KAZN: variants seen among roughly 807,000 people sequenced by gnomAD.
KAZN encodes kazrin, periplakin interacting protein.
KAZN carries 40 observed loss-of-function variants against 87.4 expected under a neutral mutation model. That is an observed-to-expected ratio of 0.46 (90% CI 0.36 to 0.60). The LOEUF (loss-of-function observed/expected upper bound fraction) is 0.60. KAZN is among the 20% of genes least tolerant of loss of function. KAZN has a pLI of 0.00. For missense variants in KAZN, 898 were observed against 1,073.9 expected (o/e 0.84, Z 2.29); for synonymous variants, 466 against 458.3 (o/e 1.02, Z -0.22).
chr1:14,879,633 T>C (rs1283224944), intron 1 of KAZN, among the ~76,000 whole-genome samples: 1 of 151,666 alleles, frequency 6.6e-6, no homozygotes, highest in Non-Finnish European at 1.5e-5. Context: ...GACTTAAAGC[T>C]TCATTCTGAA....
chr1:14,907,507 T>C (rs1003857009), intron 1 of KAZN, among the ~76,000 whole-genome samples: 1 of 151,790 alleles, frequency 6.6e-6, no homozygotes, highest in African/African-American at 2.4e-5. Flanking sequence ...TTGTGTTCAG[T>C]AGAGCTTGAG....
intron 8 of KAZN, among the ~76,000 whole-genome samples, chr1:15,082,356 C>T (rs1640043107): frequency 6.6e-6 from 1 of 152,190 alleles, no homozygotes; most frequent in African/African-American, 2.4e-5. Flanking sequence ...TCCAGGCACA[C>T]ATTTGACCCC....
At chr1:14,972,345 T>C (rs1309075957) in intron 2 of KAZN, among the ~76,000 whole-genome samples, 1 of 152,126 alleles carries the variant, frequency 6.6e-6, no homozygotes, top group African/African-American at 2.4e-5. Flanking sequence ...AGAGTTGGCC[T>C]CAGAGGCAGT....
chr1:14,259,821 T>C (rs1333125022), intron 2 of KAZN, among the ~76,000 whole-genome samples: 1 of 152,206 alleles, frequency 6.6e-6, no homozygotes, highest in Non-Finnish European at 1.5e-5. Context: ...CACTTTACTT[T>C]GTGACAGTGA....
rs963063329 is a variant in KAZN, at chr1:14,996,827, T to TGGGCTCCA, written c.418+35955_418+35956insCTCCAGGG. Among the ~76,000 whole-genome samples, 4 of 152,172 alleles carry TGGGCTCCA rather than the reference T, an allele frequency of 2.6e-5. No individual in the cohort carries two copies. Among genetic ancestry groups the TGGGCTCCA allele is most frequent in the African/African-American group, 9.7e-5 (4 of 41,446 alleles). ...CTCCTGGTGCTCCAGGGCCTGCATG[T>TGGGCTCCA]GGGGCACTGGGAGGGAGGGCCGTTT... On this transcript the variant is annotated intron_variant, in intron 2 of 14. Coordinates refer to ENST00000376030, the MANE Select transcript of KAZN (RefSeq NM_201628.3). This position sits in a 1 kb window ranked among gnomAD's most constrained non-coding sequence, Gnocchi z 5.9.
chr1:14,964,461 T>C (rs1664226658), intron 2 of KAZN, among the ~76,000 whole-genome samples: 1 of 152,158 alleles, frequency 6.6e-6, no homozygotes, highest in Admixed American at 6.6e-5. Flanking sequence ...GGTAGCGGCA[T>C]TCCTGAAAGG....
chr1:14,846,489 G>C (rs562233024), intron 1 of KAZN, among the ~76,000 whole-genome samples: 2 of 152,200 alleles, frequency 1.3e-5, no homozygotes, highest in African/African-American at 4.8e-5. Context: ...TCAACAGACC[G>C]TGAGATATTA....
At chr1:14,636,447 C>T (rs913231889) in intron 1 of KAZN, among the ~76,000 whole-genome samples, 11 of 152,174 alleles carry the variant, frequency 7.2e-5, no homozygotes, top group Admixed American at 6.5e-4. Context: ...ATAGAGGGCT[C>T]TTTGTGTTCA....
At chr1:14,155,824 AT>A (rs2101812026) in intron 1 of KAZN, among the ~76,000 whole-genome samples, 1 of 152,082 alleles carries the variant, frequency 6.6e-6, no homozygotes, top group East Asian at 1.9e-4. Flanking sequence ...TAATTTTTGT[AT>A]TTTTAGTAGA....
At chr1:14,799,066 C>T (rs1437785346) in intron 1 of KAZN, among the ~76,000 whole-genome samples, 1 of 152,220 alleles carries the variant, frequency 6.6e-6, no homozygotes, top group East Asian at 1.9e-4. Context: ...CATGATGAGC[C>T]ACTGTGCCTG....
At chr1:14,800,056 A>T (rs1266078379) in intron 1 of KAZN, among the ~76,000 whole-genome samples, 1 of 152,134 alleles carries the variant, frequency 6.6e-6, no homozygotes, top group African/African-American at 2.4e-5. Flanking sequence ...CAAGGCTTGG[A>T]TGTATTGGGA....
intron 2 of KAZN, among the ~76,000 whole-genome samples, chr1:14,378,157 T>C (rs530442637): frequency 7.2e-5 from 11 of 152,272 alleles, no homozygotes; most frequent in African/African-American, 2.4e-4. Context: ...TGACACAACA[T>C]GTAAGCAAAC....
chr1:14,532,540 ACATGTGC>A (rs1287972846), intron 2 of KAZN, among the ~76,000 whole-genome samples: 2 of 151,132 alleles, frequency 1.3e-5, no homozygotes, highest in Non-Finnish European at 2.9e-5. Context: ...ACATATGTAT[ACATGTGC>A]CATGTTGGTG....
At chr1:14,121,404 G>A (rs983303129) in intron 1 of KAZN, among the ~76,000 whole-genome samples, 1 of 152,110 alleles carries the variant, frequency 6.6e-6, no homozygotes, top group Non-Finnish European at 1.5e-5. Flanking sequence ...TGGGGCGGCG[G>A]GGGTGTGTTC....
At chr1:15,048,743 C>CCTGGGTCGTCGATA (rs1304134879) in intron 4 of KAZN, among the ~76,000 whole-genome samples, 1 of 146,220 alleles carries the variant, frequency 6.8e-6, no homozygotes, top group Non-Finnish European at 1.5e-5. Flanking sequence ...GGTCGTCGAT[C>CCTGGGTCGTCGATA]CTGGGTCGTC....
At chr1:14,049,189 A>G (rs968300199) in intron 1 of KAZN, among the ~76,000 whole-genome samples, 3 of 152,160 alleles carry the variant, frequency 2.0e-5, no homozygotes, top group African/African-American at 7.2e-5. Flanking sequence ...GCTGGAAACC[A>G]TCATTCTCAG....
intron 1 of KAZN, among the ~76,000 whole-genome samples, chr1:13,931,769 A>G (rs1017919805): frequency 2.0e-5 from 3 of 152,204 alleles, no homozygotes; most frequent in African/African-American, 7.2e-5. Flanking sequence ...AAAAATCATG[A>G]TGCAAATACT....
chr1:14,649,108 G>A lies in KAZN; in HGVS notation c.226+49885G>A, dbSNP rs182903689. On this transcript the variant is annotated intron_variant, in intron 1 of 14. Coordinates refer to ENST00000376030, the MANE Select transcript of KAZN (RefSeq NM_201628.3). ...ATGGAAGACCAGAGACTGGTTGGTT[G>A]CCCTGGTGCAGGCACCACATTAATG... Among the ~76,000 whole-genome samples the A allele has an allele frequency of 1.8e-3, 275 of 152,308 alleles. 1 individual carries two copies. The highest frequency in any genetic ancestry group is 2.7e-3 in the Non-Finnish European group (186 of 68,028).
chr1:14,611,600 A>G (rs930333468), intron 1 of KAZN, among the ~76,000 whole-genome samples: 22 of 151,774 alleles, frequency 1.4e-4, no homozygotes, highest in Admixed American at 3.3e-4. Flanking sequence ...AGGCAGGAGG[A>G]TCAACTTGGG....
Sources: gnomAD v4.1 joint callset for allele counts (sites outside exome capture counted in the v4.1 genomes callset) on GRCh38, gnomAD v4.1.1 for gene constraint, Gnocchi (gnomAD v3.1) non-coding constraint, MANE v1.5 for transcripts, NCBI Gene and HGNC (gene_info 2026-07-23, HGNC 2026-07-21) for gene names.